FSTL4: variants seen among roughly 807,000 people sequenced by gnomAD.
FSTL4 encodes the protein follistatin-related protein 4.
In FSTL4, 28 loss-of-function variants were observed where a neutral mutation model predicts 78.2. The observed-to-expected ratio is 0.36, with a 90% CI of 0.27 to 0.49. The LOEUF (loss-of-function observed/expected upper bound fraction) is 0.49, where lower values mean the gene tolerates loss of function less well. Ranked by LOEUF, FSTL4 falls within the 20% of genes least tolerant of loss-of-function variation. FSTL4 has a pLI of 0.98. For synonymous variants in FSTL4, 422 were observed against 440.5 expected (o/e 0.96, Z 0.53); for missense variants, 922 against 1,084.9 (o/e 0.85, Z 2.11).
chr5:133,724,276 T>C, the FSTL4 span, among the ~76,000 whole-genome samples: 1 of 152,182 alleles, frequency 6.6e-6, no homozygotes. Context: ...CTTTTGCTTA[T>C]CTTTTCCCTG....
chr5:133,598,688 T>C (rs1760791572), intron 2 of FSTL4, among the ~76,000 whole-genome samples: 1 of 143,302 alleles, frequency 7.0e-6, no homozygotes, highest in Non-Finnish European at 1.5e-5. Flanking sequence ...TTCTGGATCC[T>C]TTTGAAAGGA....
chr5:133,723,409 G>A, the FSTL4 span, among the ~76,000 whole-genome samples: 1 of 152,168 alleles, frequency 6.6e-6, no homozygotes, highest in African/African-American at 2.4e-5. Context: ...TGGCCTTTGG[G>A]GGATGAGGTA....
chr5:133,358,836 C>T (rs558313085), intron 4 of FSTL4, among the ~76,000 whole-genome samples: 5 of 152,074 alleles, frequency 3.3e-5, no homozygotes, highest in South Asian at 4.2e-4. Context: ...GTGAATCACC[C>T]GCCTCAGCCT....
At chr5:133,240,061 C>G (rs966635363) in intron 7 of FSTL4, among the ~76,000 whole-genome samples, 1 of 152,208 alleles carries the variant, frequency 6.6e-6, no homozygotes, top group East Asian at 1.9e-4. Context: ...TGCTGCTGCT[C>G]ACTCTTTAGG....
intron 4 of FSTL4, among the ~76,000 whole-genome samples, chr5:133,318,121 T>A (rs1370465020): frequency 6.6e-6 from 1 of 152,230 alleles, no homozygotes; most frequent in Non-Finnish European, 1.5e-5. Context: ...TGCATGTTTA[T>A]TTAGAAAAAA....
intron 4 of FSTL4, among the ~76,000 whole-genome samples, chr5:133,349,295 C>CTCTG (rs11269337): frequency 0.16 from 22,403 of 139,520 alleles, 2,136 homozygotes; most frequent in Middle Eastern, 0.28. Context: ...GCCTCTCTCT[C>CTCTG]TGTGTGTGTG....
intron 4 of FSTL4, among the ~76,000 whole-genome samples, chr5:133,388,873 T>C (rs1471171102): frequency 1.3e-5 from 2 of 152,084 alleles, no homozygotes; most frequent in African/African-American, 4.8e-5. Flanking sequence ...TCATTCTCGG[T>C]GTATTTGGGG....
the FSTL4 span, among the ~76,000 whole-genome samples, chr5:133,685,496 G>A: frequency 6.6e-6 from 1 of 152,358 alleles, no homozygotes; most frequent in Non-Finnish European, 1.5e-5. Context: ...GCAGAATGTA[G>A]TGATGAAACA....
rs142109723 is a variant in FSTL4 at position 133,552,655 on chromosome 5, C to T, written c.160+14531G>A. Among the ~76,000 whole-genome samples, 25 of 152,276 alleles carry T rather than the reference C, an allele frequency of 1.6e-4. No individual in the cohort carries two copies. The East Asian group carries it at 3.9e-3, about 23-fold the overall frequency. ...ATGGCTGCAGGCTGAATCTGGCCCA[C>T]GAGCCACCAGTTTGAGACCTGTCAT... is the stretch of plus-strand genomic sequence containing the variant. On this transcript the variant is annotated intron_variant, in intron 3 of 15. Coordinates refer to ENST00000265342, the MANE Select transcript of FSTL4 (RefSeq NM_015082.2).
In FSTL4 at chr5:133,225,313, C is replaced by G. The variant is rs1264017682; in HGVS notation, c.1178-29G>C. ...CAGACAGGACAGTGCTCAGGGTGGA[C>G]TGCTCAGCTGGAGACCCACTCACTT... On this transcript the variant is annotated intron_variant, in intron 9 of 15. Transcript: ENST00000265342. This position sits in a 1 kb window ranked among gnomAD's most constrained non-coding sequence, Gnocchi z 4.6. 6.2e-7 allele frequency: 1 copy of G among 1,613,810 alleles called. No homozygotes were observed. Among genetic ancestry groups the G allele is most frequent in the Non-Finnish European group, 8.5e-7 (1 of 1,179,910 alleles).
chr5:133,249,634 C>T, intron 6 of FSTL4, 58 bp from the exon 7 acceptor site: 1 of 1,407,558 alleles, frequency 7.1e-7, no homozygotes, highest in South Asian at 1.2e-5. Context: ...GGAGTCTCAA[C>T]TCAAGGTGAA....
chr5:133,488,415 C>G, intron 3 of FSTL4, among the ~76,000 whole-genome samples: 1 of 152,140 alleles, frequency 6.6e-6, no homozygotes, highest in Non-Finnish European at 1.5e-5. Flanking sequence ...CCACCACATC[C>G]AGCTAATTTT....
intron 3 of FSTL4, among the ~76,000 whole-genome samples, chr5:133,550,940 T>G (rs1759679834): frequency 6.6e-6 from 1 of 152,216 alleles, no homozygotes; most frequent in South Asian, 2.1e-4. Flanking sequence ...TGTGCCATAT[T>G]ATGTGGTCAT....
the FSTL4 span, among the ~76,000 whole-genome samples, chr5:133,652,261 A>T: frequency 1.3e-5 from 2 of 151,710 alleles, no homozygotes. Flanking sequence ...TTCTGCTCTA[A>T]TTTTTTATTT....
At chr5:133,609,443 G>A (rs544608465) in intron 1 of FSTL4, among the ~76,000 whole-genome samples, 41 of 152,276 alleles carry the variant, frequency 2.7e-4, no homozygotes, top group African/African-American at 9.4e-4. Context: ...ATCAACCCCA[G>A]CGTGAAACCA....
intron 3 of FSTL4, among the ~76,000 whole-genome samples, chr5:133,414,217 C>T (rs1756532848): frequency 6.6e-6 from 1 of 152,220 alleles, no homozygotes; most frequent in Non-Finnish European, 1.5e-5. Context: ...ACAATTCCTT[C>T]TGGCGATCAG....
chr5:133,810,620 C>T, the FSTL4 span, among the ~76,000 whole-genome samples: 9 of 152,142 alleles, frequency 5.9e-5, no homozygotes, highest in Non-Finnish European at 8.8e-5. Context: ...TGGCCCACAG[C>T]GGAGTGCACC....
At chr5:133,221,891 GTTTTTTTTTTTT>G (rs59400068) in intron 11 of FSTL4, among the ~76,000 whole-genome samples, 720 of 43,268 alleles carry the variant, frequency 0.017, 8 homozygotes, top group African/African-American at 0.036. Context: ...CTCTTTTCTA[GTTTTTTTTTTTT>G]TTTTTTTTTT....
the FSTL4 span, among the ~76,000 whole-genome samples, chr5:133,841,731 G>A: frequency 3.9e-5 from 6 of 152,204 alleles, no homozygotes; most frequent in African/African-American, 1.4e-4. Context: ...ATGCTCCAAA[G>A]CCTGCATTCT....
Sources: gnomAD v4.1 joint callset for allele counts (sites outside exome capture counted in the v4.1 genomes callset) on GRCh38, gnomAD v4.1.1 for gene constraint, Gnocchi (gnomAD v3.1) non-coding constraint, MANE v1.5 for transcripts, NCBI Gene and HGNC (gene_info 2026-07-23, HGNC 2026-07-21) for gene names.